Variants in ITSN1 observed in about 807,000 individuals in gnomAD.
ITSN1 encodes intersectin 1.
A neutral mutation model predicts 239.8 loss-of-function variants in ITSN1; 58 were observed. The observed-to-expected ratio is 0.24, with a 90% CI of 0.20 to 0.30. ITSN1 has a LOEUF of 0.30. Among genes scored for constraint, ITSN1 ranks in the 10% least tolerant of loss-of-function variants. ITSN1 has a pLI of 1.00. For synonymous variants in ITSN1, 780 were observed against 770.8 expected (o/e 1.01, Z -0.20); for missense variants, 1,558 against 2,103.3 (o/e 0.74, Z 5.07).
intron 4 of ITSN1, among the ~76,000 whole-genome samples, chr21:33,729,939 C>T (rs941420485): frequency 2.6e-5 from 4 of 152,170 alleles, no homozygotes; most frequent in African/African-American, 4.8e-5. Context: ...ATTTTCCTTT[C>T]ACAGTAGATT....
chr21:33,797,395 G>T lies in ITSN1; in HGVS notation c.1969G>T (p.Asp657Tyr). The T allele has an allele frequency of 6.2e-7, 1 of 1,613,920 alleles. No individual in the cohort carries two copies. Among genetic ancestry groups the T allele is most frequent in the Non-Finnish European group, 8.5e-7 (1 of 1,179,910 alleles). ...EEAQRRAQER[D>Y]KQWLEHVQQE... is the part of the protein sequence containing the mutation. ...TGTTGGCAGACGAGCTCAGGAAAGG[G>T]ACAAGCAGTGGCTGGAGCATGTGCA... Residue 657 changes from aspartate (D) to tyrosine (Y), a missense_variant, in exon 18 of 40, where the codon GAC (aspartate) becomes TAC (tyrosine). Transcript: ENST00000381318. The surrounding 1 kb of genome is among the most constrained non-coding windows in gnomAD (Gnocchi z 4.9).
chr21:33,783,939 C>A (rs2070410078), intron 16 of ITSN1, among the ~76,000 whole-genome samples: 1 of 152,126 alleles, frequency 6.6e-6, no homozygotes, highest in Admixed American at 6.5e-5. Context: ...GATTGAATTT[C>A]TGTTGCCATT....
rs924585580 is a variant in ITSN1, at chr21:33,813,974, C to G, written c.2629C>G (p.Pro877Ala). 45 of 1,614,100 alleles carry G rather than the reference C, an allele frequency of 2.8e-5. No homozygotes were observed. Among genetic ancestry groups the G allele is most frequent in the Non-Finnish European group, 3.7e-5 (44 of 1,179,994 alleles). Residue 877 changes from proline to alanine, a missense_variant, in exon 22 of 40, where the codon CCC becomes GCC. By Grantham distance (27) the Pro-to-Ala change is conservative. This residue lies in a region of ITSN1 where 982 missense variants were observed against 1,209.9 expected (regional missense o/e 0.81). Transcript: ENST00000381318. Reference protein sequence around the residue: ...TDNWDAWAAQPSLTVPSAGQL... With the variant: ...TDNWDAWAAQASLTVPSAGQL... The stretch of plus-strand genomic sequence containing the variant: ...TAACTGGGATGCATGGGCAGCCCAG[C>G]CCTCTCTCACCGTTCCAAGTGCCGG...
intron 33 of ITSN1, among the ~76,000 whole-genome samples, chr21:33,868,081 T>A (rs915664299): frequency 6.6e-6 from 1 of 152,248 alleles, no homozygotes; most frequent in African/African-American, 2.4e-5. Context: ...CGGTTGCCAC[T>A]GCTGGCTCGG....
intron 34 of ITSN1, among the ~76,000 whole-genome samples, chr21:33,881,835 G>A (rs1261450429): frequency 1.3e-5 from 2 of 151,196 alleles, no homozygotes; most frequent in African/African-American, 2.4e-5. Context: ...TTTTTCACAT[G>A]TGTTGGGGGG....
At chr21:33,679,698 CTTTT>C (rs34301203) in intron 1 of ITSN1, among the ~76,000 whole-genome samples, 1 of 86,318 alleles carries the variant, frequency 1.2e-5, no homozygotes, top group African/African-American at 4.7e-5. Context: ...GATCCTTATC[CTTTT>C]TTTTTTTTTT....
At chr21:33,721,351 T>C in intron 3 of ITSN1, 81 bp downstream of exon 3, 2 of 879,054 alleles carry the variant, frequency 2.3e-6, no homozygotes, top group Non-Finnish European at 3.8e-6. Flanking sequence ...AAAGACGAGA[T>C]GGGCAAATAT....
intron 34 of ITSN1, among the ~76,000 whole-genome samples, chr21:33,881,966 A>T (rs899559667): frequency 1.3e-5 from 2 of 151,710 alleles, no homozygotes; most frequent in South Asian, 4.2e-4. Context: ...AAAAAAAAGA[A>T]AAGAAAAAAC....
intron 1 of ITSN1, among the ~76,000 whole-genome samples, chr21:33,693,321 T>C (rs1284557337): frequency 6.6e-6 from 1 of 151,748 alleles, no homozygotes; most frequent in Non-Finnish European, 1.5e-5. Context: ...ATACCCTTCT[T>C]GCTGTTTTTT....
intron 20 of ITSN1, among the ~76,000 whole-genome samples, chr21:33,803,943 C>G (rs1183101616): frequency 6.6e-6 from 1 of 152,166 alleles, no homozygotes; most frequent in Non-Finnish European, 1.5e-5. Flanking sequence ...AGGTGCCATT[C>G]AGCTGTGTTA....
chr21:33,750,374 T>C (rs2067469949), intron 6 of ITSN1, 52 bp downstream of exon 6: 4 of 1,495,632 alleles, frequency 2.7e-6, no homozygotes, highest in Non-Finnish European at 2.8e-6. Flanking sequence ...TGTATTTTGC[T>C]GTTCATTATT....
chr21:33,805,756 C>G (rs1323845400), intron 20 of ITSN1, among the ~76,000 whole-genome samples: 1 of 151,574 alleles, frequency 6.6e-6, no homozygotes, highest in East Asian at 2.0e-4. Flanking sequence ...CCTGCAAGCT[C>G]CGCCTCCCGG....
intron 26 of ITSN1, among the ~76,000 whole-genome samples, chr21:33,827,503 G>A (rs983589408): frequency 5.9e-5 from 9 of 152,210 alleles, no homozygotes; most frequent in Non-Finnish European, 8.8e-5. Context: ...GGGCTCAGCT[G>A]CTTCTCCGTC....
intron 29 of ITSN1, among the ~76,000 whole-genome samples, chr21:33,843,551 C>T (rs1472791861): frequency 6.6e-6 from 1 of 152,206 alleles, no homozygotes; most frequent in Non-Finnish European, 1.5e-5. Flanking sequence ...TCCAGAAAAA[C>T]ATGGTGCTGT....
At chr21:33,759,435 C>T (rs1451376931) in intron 8 of ITSN1, among the ~76,000 whole-genome samples, 1 of 152,142 alleles carries the variant, frequency 6.6e-6, no homozygotes, top group Non-Finnish European at 1.5e-5. Flanking sequence ...TATTGTTAGG[C>T]TTTTTATGTG....
At chr21:33,668,997 G>T (rs1445725609) in intron 1 of ITSN1, among the ~76,000 whole-genome samples, 2 of 152,326 alleles carry the variant, frequency 1.3e-5, no homozygotes, top group East Asian at 3.9e-4. Flanking sequence ...CCTCCCTCAG[G>T]GCTCCTTTCC....
At chr21:33,678,277 C>T (rs2146476801) in intron 1 of ITSN1, among the ~76,000 whole-genome samples, 1 of 152,330 alleles carries the variant, frequency 6.6e-6, no homozygotes, top group Admixed American at 6.5e-5. Context: ...TCCCCAGGCA[C>T]ATGAAGAAGC....
At chr21:33,702,235 G>T (rs1173023590) in intron 1 of ITSN1, among the ~76,000 whole-genome samples, 1 of 148,886 alleles carries the variant, frequency 6.7e-6, no homozygotes, top group African/African-American at 2.5e-5. Context: ...CCTGCACTCA[G>T]CCTCCTAAGT....
chr21:33,838,806 T>C (rs1249876566), intron 29 of ITSN1, among the ~76,000 whole-genome samples: 3 of 152,190 alleles, frequency 2.0e-5, no homozygotes, highest in Non-Finnish European at 4.4e-5. Context: ...GTCGACACAT[T>C]GAGGGTGTGT....
Sources: allele counts gnomAD v4.1 joint callset (sites outside exome capture counted in the v4.1 genomes callset), GRCh38; gene constraint gnomAD v4.1.1; regional missense constraint gnomAD v4.1.1; non-coding constraint Gnocchi (gnomAD v3.1); transcripts MANE v1.5; gene names NCBI Gene and HGNC (gene_info 2026-07-23, HGNC 2026-07-21).